The following EYS variants were observed in gnomAD, a reference collection of about 807,000 sequenced individuals.
EYS encodes EGF-like photoreceptor maintenance factor, also known as protein eyes shut homolog.
A neutral mutation model predicts 282.1 loss-of-function variants in EYS; 250 were observed. The observed-to-expected ratio is 0.89, with a 90% CI of 0.80 to 0.98. The LOEUF (loss-of-function observed/expected upper bound fraction) is 0.98. EYS is among the 50% of genes least tolerant of loss of function. EYS has a pLI of 0.00. For missense variants in EYS, 4,016 were observed against 3,709.0 expected (o/e 1.08, Z -2.15); for synonymous variants, 1,355 against 1,282.9 (o/e 1.06, Z -1.20).
At chr6:64,503,450 CT>C (rs1012146675) in intron 26 of EYS, among the ~76,000 whole-genome samples, 7 of 152,030 alleles carry the variant, frequency 4.6e-5, no homozygotes, top group Non-Finnish European at 7.4e-5. Flanking sequence ...TGTTTTTAAG[CT>C]TTTTTAAAAC....
chr6:64,449,672 A>G (rs1775248357), intron 26 of EYS, among the ~76,000 whole-genome samples: 1 of 152,226 alleles, frequency 6.6e-6, no homozygotes, highest in Non-Finnish European at 1.5e-5. Context: ...CAGAAACTCT[A>G]CAAGCCAGAA....
intron 26 of EYS, among the ~76,000 whole-genome samples, chr6:64,572,191 T>C (rs1470077261): frequency 1.3e-5 from 2 of 152,138 alleles, no homozygotes; most frequent in African/African-American, 2.4e-5. Flanking sequence ...ATTATTTAAA[T>C]AGATGAAGAA....
intron 30 of EYS, among the ~76,000 whole-genome samples, chr6:64,258,923 T>C (rs146335480): frequency 1.8e-4 from 28 of 152,190 alleles, no homozygotes; most frequent in Middle Eastern, 3.4e-3. Context: ...ATCAATACTG[T>C]GAGTCATTTG....
At chr6:64,509,405 G>C (rs192139734) in intron 26 of EYS, among the ~76,000 whole-genome samples, 136 of 152,116 alleles carry the variant, frequency 8.9e-4, no homozygotes, top group Non-Finnish European at 1.4e-3. Flanking sequence ...AGAATTCCTC[G>C]CACCTACTCC....
intron 12 of EYS, among the ~76,000 whole-genome samples, chr6:65,260,588 GTTTA>G (rs1193757662): frequency 6.6e-6 from 1 of 151,770 alleles, no homozygotes; most frequent in African/African-American, 2.4e-5. Flanking sequence ...CTCTTGTAGT[GTTTA>G]TTTTTTAATC....
Position 64,946,107 on chromosome 6 carries a change from TTAAA to T in EYS, c.2260-197_2260-194del, listed in dbSNP as rs1156447112. Among the ~76,000 whole-genome samples the T allele has an allele frequency of 2.6e-5, 4 of 152,178 alleles. No individual in the cohort carries two copies. The East Asian group carries it at 7.7e-4, about 29-fold the overall frequency. ...GTGAACAGTATTCTTTAGTATCTAA[TTAAA>T]TAAAGTTTTGTAGTAAGTCAATAGA... On this transcript the variant is annotated intron_variant, in intron 14 of 42. Coordinates refer to ENST00000503581, the MANE Select transcript of EYS (RefSeq NM_001142800.2).
At chr6:64,839,394 T>C (rs2150033686) in intron 19 of EYS, among the ~76,000 whole-genome samples, 1 of 152,212 alleles carries the variant, frequency 6.6e-6, no homozygotes, top group South Asian at 2.1e-4. Context: ...TTTTGTGTAC[T>C]GTGACTCTAA....
chr6:65,355,882 A>G (rs1764460742), intron 8 of EYS, among the ~76,000 whole-genome samples: 1 of 152,126 alleles, frequency 6.6e-6, no homozygotes, highest in Non-Finnish European at 1.5e-5. Context: ...GCTGATAGGA[A>G]TGTAAATTAG....
At chr6:64,616,433 A>G (rs935462217) in intron 24 of EYS, among the ~76,000 whole-genome samples, 4 of 152,138 alleles carry the variant, frequency 2.6e-5, no homozygotes, top group African/African-American at 9.7e-5. Flanking sequence ...GAGCTCATTC[A>G]TATCCCTCCA....
intron 22 of EYS, among the ~76,000 whole-genome samples, chr6:64,636,313 A>G (rs537290406): frequency 6.6e-6 from 1 of 152,336 alleles, no homozygotes; most frequent in East Asian, 1.9e-4. Flanking sequence ...GATCTTTGAC[A>G]AATCTGACAA....
chr6:64,057,225 GA>G (rs527634059), intron 33 of EYS, among the ~76,000 whole-genome samples: 421 of 152,206 alleles, frequency 2.8e-3, no homozygotes, highest in Middle Eastern at 6.8e-3. Flanking sequence ...ACTCTTAACT[GA>G]ATAGTGTTGG....
chr6:64,553,848 T>G (rs1026510341), intron 26 of EYS, among the ~76,000 whole-genome samples: 10 of 152,138 alleles, frequency 6.6e-5, no homozygotes, highest in Admixed American at 5.2e-4. Flanking sequence ...TAGTATCATT[T>G]TCATATTCCT....
intron 5 of EYS, among the ~76,000 whole-genome samples, chr6:65,417,255 T>C (rs1323382353): frequency 6.6e-6 from 1 of 151,930 alleles, no homozygotes; most frequent in African/African-American, 2.4e-5. Flanking sequence ...AAATATAATT[T>C]ATCAAAAAAA....
At chr6:63,961,377 T>A (rs1766051926) in intron 35 of EYS, among the ~76,000 whole-genome samples, 1 of 151,842 alleles carries the variant, frequency 6.6e-6, no homozygotes, top group African/African-American at 2.4e-5. Context: ...ATTAACCTTG[T>A]GAAATTCCTT....
At chr6:63,791,658 C>T (rs1252946302) in intron 37 of EYS, among the ~76,000 whole-genome samples, 1 of 150,310 alleles carries the variant, frequency 6.7e-6, no homozygotes, top group Non-Finnish European at 1.5e-5. Flanking sequence ...GGAAAGGAAA[C>T]TGAAAAGGGA....
intron 19 of EYS, among the ~76,000 whole-genome samples, chr6:64,864,898 C>T (rs891531555): frequency 3.3e-5 from 5 of 151,796 alleles, no homozygotes; most frequent in Non-Finnish European, 7.4e-5. Flanking sequence ...TAGCTAGGCA[C>T]AGTGGTGGGC....
intron 1 of EYS, among the ~76,000 whole-genome samples, chr6:65,683,771 A>G (rs1468173995): frequency 2.0e-5 from 3 of 151,978 alleles, no homozygotes; most frequent in African/African-American, 7.2e-5. Flanking sequence ...ATTTTCTTCC[A>G]CAACCCACTG....
Position 65,379,086 on chromosome 6 carries a change from AAG to A in EYS, c.1299+5298_1299+5299del, listed in dbSNP as rs201720981. On this transcript the variant is annotated intron_variant, in intron 8 of 42. Transcript: ENST00000503581. Reference sequence around the variant, plus strand: ...AATAAATAAAATAAAACAGAAAAAAAAGAGAGGGACTCCTCCCTAACTCATTT... The same window carrying A: ...AATAAATAAAATAAAACAGAAAAAAAAGAGGGACTCCTCCCTAACTCATTT... 6.5e-3 allele frequency among the ~76,000 whole-genome samples: 987 copies of A among 152,204 alleles called. 17 individuals carry two copies. The highest frequency in any genetic ancestry group is 0.022 in the African/African-American group (921 of 41,548).
At chr6:65,288,308 T>C (rs1768426578) in intron 12 of EYS, among the ~76,000 whole-genome samples, 1 of 150,546 alleles carries the variant, frequency 6.6e-6, no homozygotes, top group African/African-American at 2.4e-5. Flanking sequence ...ACAAAAAATA[T>C]GGGAAATATT....
Sources: gnomAD v4.1 joint callset for allele counts (sites outside exome capture counted in the v4.1 genomes callset) on GRCh38, gnomAD v4.1.1 for gene constraint, MANE v1.5 for transcripts, NCBI Gene and HGNC (gene_info 2026-07-23, HGNC 2026-07-21) for gene names.